Variants in CYSTM1 observed in about 807,000 individuals in gnomAD.
CYSTM1 encodes cysteine rich transmembrane module containing 1, also known as cysteine-rich transmembrane module-containing protein 1.
CYSTM1 carries 4 observed loss-of-function variants against 13.1 expected under a neutral mutation model. That is an observed-to-expected ratio of 0.31 (90% CI 0.15 to 0.70). CYSTM1 has a LOEUF of 0.70. CYSTM1 is among the 30% of genes least tolerant of loss of function. The pLI, the probability that CYSTM1 is intolerant of heterozygous loss-of-function variation, is 0.72. For synonymous variants in CYSTM1, 36 were observed against 42.7 expected (o/e 0.84, Z 0.62); for missense variants, 96 against 121.6 (o/e 0.79, Z 0.99).
At chr5:140,231,053 AAG>A (rs1455976604) in intron 2 of CYSTM1, among the ~76,000 whole-genome samples, 3 of 152,366 alleles carry the variant, frequency 2.0e-5, no homozygotes, top group Admixed American at 2.0e-4. Context: ...TAATTGGTGA[AAG>A]AGTTGACATA....
chr5:140,217,719 C>G (rs1037282127), intron 2 of CYSTM1, among the ~76,000 whole-genome samples: 3 of 152,150 alleles, frequency 2.0e-5, no homozygotes, highest in Non-Finnish European at 4.4e-5. Context: ...CTTATCAGTG[C>G]TTTGCAGTTG....
At chr5:140,229,204 T>C (rs1031396194) in intron 2 of CYSTM1, among the ~76,000 whole-genome samples, 1 of 148,566 alleles carries the variant, frequency 6.7e-6, no homozygotes, top group East Asian at 1.9e-4. Context: ...TCTGACTCTC[T>C]TTTTTTTTGG....
At chr5:140,217,446 TG>T (rs1764440986) in intron 2 of CYSTM1, among the ~76,000 whole-genome samples, 1 of 152,122 alleles carries the variant, frequency 6.6e-6, no homozygotes, top group Non-Finnish European at 1.5e-5. Context: ...AGGTGTATCC[TG>T]TGGCTACTAG....
intron 2 of CYSTM1, among the ~76,000 whole-genome samples, chr5:140,195,405 G>A (rs1293238484): frequency 6.6e-6 from 1 of 151,008 alleles, no homozygotes; most frequent in East Asian, 2.0e-4. Context: ...CCTTTGGTTG[G>A]CAGAATAGCT....
chr5:140,213,998 G>C (rs1047668169), intron 2 of CYSTM1, among the ~76,000 whole-genome samples: 1 of 152,214 alleles, frequency 6.6e-6, no homozygotes, highest in Non-Finnish European at 1.5e-5. Context: ...TGGTAAAGGA[G>C]GAGGAGTCTG....
chr5:140,224,728 C>T (rs1290229387), intron 2 of CYSTM1, among the ~76,000 whole-genome samples: 1 of 151,844 alleles, frequency 6.6e-6, no homozygotes, highest in Non-Finnish European at 1.5e-5. Context: ...ACTTTATTGC[C>T]CAGGCCAGTC....
At chr5:140,238,494 C>T (rs1764710578) in intron 2 of CYSTM1, among the ~76,000 whole-genome samples, 1 of 152,176 alleles carries the variant, frequency 6.6e-6, no homozygotes, top group African/African-American at 2.4e-5. Flanking sequence ...GCACACGGAC[C>T]TGGTACTTAC....
At chr5:140,226,545 TAATA>T (rs1368974948) in intron 2 of CYSTM1, among the ~76,000 whole-genome samples, 1 of 109,686 alleles carries the variant, frequency 9.1e-6, no homozygotes, top group East Asian at 2.2e-4. Flanking sequence ...TATATATTAA[TAATA>T]TAATATATAA....
At chr5:140,232,544 A>C (rs753052788) in intron 2 of CYSTM1, among the ~76,000 whole-genome samples, 1 of 152,208 alleles carries the variant, frequency 6.6e-6, no homozygotes. Context: ...AGTAACATCA[A>C]ATGTTGCTGA....
intron 1 of CYSTM1, among the ~76,000 whole-genome samples, chr5:140,190,591 T>TA (rs1039769053): frequency 2.0e-5 from 3 of 152,146 alleles, no homozygotes; most frequent in Admixed American, 1.3e-4. Flanking sequence ...TCTTGTAATT[T>TA]AAAAAAAACA....
chr5:140,213,008 TATGA>T (rs1324209733), intron 2 of CYSTM1, among the ~76,000 whole-genome samples: 18 of 130,706 alleles, frequency 1.4e-4, no homozygotes, highest in East Asian at 2.2e-4. Context: ...TATATATATA[TATGA>T]GAGAGAGAGA....
At chr5:140,189,538 G>A (rs1312299396) in intron 1 of CYSTM1, among the ~76,000 whole-genome samples, 1 of 152,216 alleles carries the variant, frequency 6.6e-6, no homozygotes, top group Admixed American at 6.5e-5. Context: ...ACTAAGTAGA[G>A]TATTATTGAA....
chr5:140,178,873 A>G (rs906315206), intron 1 of CYSTM1, among the ~76,000 whole-genome samples: 3 of 151,958 alleles, frequency 2.0e-5, no homozygotes, highest in Non-Finnish European at 4.4e-5. Context: ...AAGTGCTGGG[A>G]TTACAGGCAT....
intron 1 of CYSTM1, among the ~76,000 whole-genome samples, chr5:140,184,283 G>A (rs1017773535): frequency 1.3e-5 from 2 of 151,838 alleles, no homozygotes; most frequent in Non-Finnish European, 2.9e-5. Context: ...CTTCTGAAGC[G>A]TCATATAGCA....
At chr5:140,177,096 C>T (rs1763900759) in intron 1 of CYSTM1, among the ~76,000 whole-genome samples, 1 of 132,600 alleles carries the variant, frequency 7.5e-6, no homozygotes, top group Non-Finnish European at 1.6e-5. Flanking sequence ...AATCTCTAGT[C>T]CTTTCCTGCC....
chr5:140,237,449 C>CT (rs1226526439), intron 2 of CYSTM1, among the ~76,000 whole-genome samples: 2 of 152,218 alleles, frequency 1.3e-5, no homozygotes, highest in Non-Finnish European at 1.5e-5. Flanking sequence ...GGACCTGCCT[C>CT]TAATTCACTA....
chr5:140,210,763 C>T (rs902908404), intron 2 of CYSTM1, among the ~76,000 whole-genome samples: 1 of 152,118 alleles, frequency 6.6e-6, no homozygotes, highest in African/African-American at 2.4e-5. Flanking sequence ...CTGCCCGCCT[C>T]GGCCTCCCAA....
At chr5:140,198,109 T>A (rs1764177625) in intron 2 of CYSTM1, among the ~76,000 whole-genome samples, 1 of 152,178 alleles carries the variant, frequency 6.6e-6, no homozygotes. Context: ...ATCTCCTGGG[T>A]GGTTTTTAAG....
At chr5:140,204,086 C>T (rs1471453329) in intron 2 of CYSTM1, among the ~76,000 whole-genome samples, 2 of 152,054 alleles carry the variant, frequency 1.3e-5, no homozygotes, top group African/African-American at 4.8e-5. Flanking sequence ...AAGTTTCCTG[C>T]CAGGTGCAGG....
Sources: allele counts gnomAD v4.1 joint callset (sites outside exome capture counted in the v4.1 genomes callset), GRCh38; gene constraint gnomAD v4.1.1; transcripts MANE v1.5; gene names NCBI Gene and HGNC (gene_info 2026-07-23, HGNC 2026-07-21).